Variants in SFMBT2 observed in about 807,000 individuals in gnomAD.
The protein encoded by SFMBT2 is Scm like with four mbt domains 2, also known as scm-like with four MBT domains protein 2.
In SFMBT2, 38 loss-of-function variants were observed where a neutral mutation model predicts 110.1. That is an observed-to-expected ratio of 0.35 (90% CI 0.27 to 0.45). The LOEUF is 0.45. Ranked by LOEUF, SFMBT2 falls within the 20% of genes least tolerant of loss-of-function variation. SFMBT2 has a pLI of 1.00. For missense variants in SFMBT2, 1,011 were observed against 1,094.9 expected (o/e 0.92, Z 1.08); for synonymous variants, 425 against 425.4 (o/e 1.00, Z 0.01).
rs538193097 is a variant in SFMBT2 at position 7,346,592 on chromosome 10, A to G, written c.436+21057T>C. 4.0e-5 allele frequency among the ~76,000 whole-genome samples: 6 copies of G among 150,654 alleles called. No homozygotes were observed. The East Asian group carries it at 9.6e-4, about 24-fold the overall frequency. ...ATACATTTTGACTCCCAAATGAAGGAAAAAAAATACCATTCTCTTTTACAT... is the reference window on the plus strand; with the variant it reads ...ATACATTTTGACTCCCAAATGAAGGGAAAAAAATACCATTCTCTTTTACAT... On this transcript the variant is annotated intron_variant, in intron 4 of 20. Transcript: ENST00000397167.
intron 8 of SFMBT2, among the ~76,000 whole-genome samples, chr10:7,247,363 C>T (rs1245497810): frequency 6.6e-6 from 1 of 152,176 alleles, no homozygotes; most frequent in Non-Finnish European, 1.5e-5. Context: ...GTGATCATCC[C>T]ACCTCAGCCT....
intron 7 of SFMBT2, among the ~76,000 whole-genome samples, chr10:7,273,419 T>C (rs1841665021): frequency 6.6e-6 from 1 of 152,228 alleles, no homozygotes; most frequent in Non-Finnish European, 1.5e-5. Flanking sequence ...TCCTGAGAGC[T>C]AAGTTGTAAA....
At chr10:7,214,673 T>C (rs1839472188) in intron 11 of SFMBT2, 1 of 985,494 alleles carries the variant, frequency 1.0e-6, no homozygotes, top group African/African-American at 1.7e-5. Flanking sequence ...GTGTGGAATG[T>C]GAAGTTCGTG....
chr10:7,382,001 T>C (rs1452052216), intron 1 of SFMBT2, 52 bp from the exon 2 acceptor site: 3 of 936,040 alleles, frequency 3.2e-6, no homozygotes, highest in Non-Finnish European at 4.5e-6. Flanking sequence ...ATATTGATTA[T>C]ATTCACTTAT....
At chr10:7,247,430 T>C (rs1840655169) in intron 8 of SFMBT2, among the ~76,000 whole-genome samples, 1 of 152,190 alleles carries the variant, frequency 6.6e-6, no homozygotes, top group South Asian at 2.1e-4. Flanking sequence ...AAAGTTATCC[T>C]TGAAATAAGC....
intron 1 of SFMBT2, among the ~76,000 whole-genome samples, chr10:7,405,166 A>C (rs759861829): frequency 1.3e-5 from 2 of 152,148 alleles, no homozygotes; most frequent in Non-Finnish European, 1.5e-5. Flanking sequence ...GGATGCTCAC[A>C]CTCACTTGCT....
At chr10:7,271,836 T>C (rs1841596316) in intron 7 of SFMBT2, among the ~76,000 whole-genome samples, 1 of 152,100 alleles carries the variant, frequency 6.6e-6, no homozygotes, top group Admixed American at 6.5e-5. Context: ...GAAACTCCCA[T>C]TTTTAAAACC....
At chr10:7,244,246 A>G (rs536213744) in intron 8 of SFMBT2, 1 of 243,592 alleles carries the variant, frequency 4.1e-6, no homozygotes, top group East Asian at 1.8e-4. Flanking sequence ...ACAACCCCCA[A>G]TGCCATGTTT....
intron 6 of SFMBT2, among the ~76,000 whole-genome samples, chr10:7,281,386 C>A (rs985323346): frequency 6.6e-6 from 1 of 151,960 alleles, no homozygotes; most frequent in African/African-American, 2.4e-5. Flanking sequence ...CCCTGCACAC[C>A]CCCCTCCCAC....
intron 16 of SFMBT2, among the ~76,000 whole-genome samples, chr10:7,178,627 T>C (rs1838146499): frequency 6.6e-6 from 1 of 152,192 alleles, no homozygotes; most frequent in Non-Finnish European, 1.5e-5. Flanking sequence ...CTAGATATTG[T>C]CACTTGTTGC....
chr10:7,299,628 G>A (rs1007526615), intron 4 of SFMBT2, among the ~76,000 whole-genome samples: 1 of 152,212 alleles, frequency 6.6e-6, no homozygotes, highest in African/African-American at 2.4e-5. Flanking sequence ...CTTTTACGCT[G>A]TTGGTGGGAG....
chr10:7,176,395 C>CGTTT (rs1414024578), intron 16 of SFMBT2: 1 of 826,766 alleles, frequency 1.2e-6, no homozygotes. Context: ...CTTCCATAAA[C>CGTTT]ACCCCCACAT....
chr10:7,197,872 C>T (rs560583161), intron 14 of SFMBT2, among the ~76,000 whole-genome samples, 185 bp from the exon 15 acceptor site: 1 of 152,348 alleles, frequency 6.6e-6, no homozygotes, highest in South Asian at 2.1e-4. Flanking sequence ...ATAACCGTGA[C>T]AGCCAGTGTC....
At chr10:7,300,642 A>G (rs1316512934) in intron 4 of SFMBT2, among the ~76,000 whole-genome samples, 2 of 152,206 alleles carry the variant, frequency 1.3e-5, no homozygotes, top group Non-Finnish European at 2.9e-5. Flanking sequence ...CGCTTCTGAC[A>G]GCCCACTGCA....
At chr10:7,363,592 C>T (rs746600206) in intron 4 of SFMBT2, among the ~76,000 whole-genome samples, 3 of 152,158 alleles carry the variant, frequency 2.0e-5, no homozygotes, top group East Asian at 1.9e-4. Context: ...GTGATCCGCC[C>T]GCATCGGCCT....
At chr10:7,315,397 C>T (rs1221588085) in intron 4 of SFMBT2, among the ~76,000 whole-genome samples, 1 of 152,220 alleles carries the variant, frequency 6.6e-6, no homozygotes, top group Non-Finnish European at 1.5e-5. Context: ...TGCCTCACTG[C>T]CTTTGGGGGA....
chr10:7,320,104 GAGAC>G (rs1231416850), intron 4 of SFMBT2, among the ~76,000 whole-genome samples: 1 of 152,186 alleles, frequency 6.6e-6, no homozygotes, highest in Non-Finnish European at 1.5e-5. Flanking sequence ...CAGAGAGAGA[GAGAC>G]AGACAGAGAA....
intron 7 of SFMBT2, among the ~76,000 whole-genome samples, chr10:7,263,631 T>C (rs540566268): frequency 6.6e-6 from 1 of 152,278 alleles, no homozygotes; most frequent in South Asian, 2.1e-4. Flanking sequence ...GCTAAATGAC[T>C]TGGGGAAAAA....
In SFMBT2 at chr10:7,349,440, C is replaced by CTTTTTTTTTTTTTTTTTTTTT. The variant is rs369479041; in HGVS notation, c.436+18188_436+18208dup. 2.3e-3 allele frequency among the ~76,000 whole-genome samples: 108 copies of CTTTTTTTTTTTTTTTTTTTTT among 46,878 alleles called. 21 individuals carry two copies. The highest frequency in any genetic ancestry group is 3.1e-3 in the Non-Finnish European group (87 of 28,222). The allele number at this position is 46,878 out of a possible 152,430, so 30.8% of individuals were successfully genotyped here. On this transcript the variant is annotated intron_variant, in intron 4 of 20. Transcript: ENST00000397167. ...CCCTGACTCTTTTTTCTTTTCTTTT[C>CTTTTTTTTTTTTTTTTTTTTT]TTTTTTTTTTTTTTTTTTTTTTTTT...
Sources: gnomAD v4.1 joint callset for allele counts (sites outside exome capture counted in the v4.1 genomes callset) on GRCh38, gnomAD v4.1.1 for gene constraint, MANE v1.5 for transcripts, NCBI Gene and HGNC (gene_info 2026-07-23, HGNC 2026-07-21) for gene names.